Variants in HOMER1 observed in about 807,000 individuals in gnomAD.
HOMER1 encodes the protein homer protein homolog 1.
HOMER1 carries 3 observed loss-of-function variants against 48.9 expected under a neutral mutation model. The ratio of observed to expected loss-of-function variants is 0.06; its 90% confidence interval spans 0.03 to 0.16. The LOEUF (loss-of-function observed/expected upper bound fraction) is 0.16, where lower values mean the gene tolerates loss of function less well. Among genes scored for constraint, HOMER1 ranks in the 10% least tolerant of loss-of-function variants. The pLI is 1.00. For synonymous variants in HOMER1, 134 were observed against 146.4 expected, an observed-to-expected ratio of 0.92 and a Z score of 0.61; for missense variants, 247 against 411.4, an observed-to-expected ratio of 0.60 and a Z score of 3.46.
At chr5:79,497,059 CAA>C (rs5868996) in intron 1 of HOMER1, among the ~76,000 whole-genome samples, 93 of 52,780 alleles carry the variant, frequency 1.8e-3, no homozygotes, top group African/African-American at 6.2e-3. Flanking sequence ...GACTTTGTCT[CAA>C]AAAAAAAAAA....
At position 79,387,069 on chromosome 5, in the gene HOMER1, T is replaced by TTC. The variant is rs766145471; in HGVS notation, c.876+9752_876+9753dup. 5.0e-3 allele frequency among the ~76,000 whole-genome samples: 662 copies of TTC among 132,334 alleles called. 4 individuals are homozygous for TTC. Among genetic ancestry groups the TTC allele is most frequent in the African/African-American group, 0.012 (388 of 31,320 alleles). 86.8% of individuals were successfully genotyped at this position (132,334 alleles called of 152,430 possible). ...CTTCCTTCCTTCCTCTTTCCTTTCT[T>TTC]TCTCTATCTCTCTCTCTCTCTCTCT... On this transcript the variant is annotated intron_variant, in intron 8 of 8. Transcript: ENST00000334082.
At chr5:79,434,465 C>A (rs1750516230) in intron 5 of HOMER1, among the ~76,000 whole-genome samples, 1 of 152,004 alleles carries the variant, frequency 6.6e-6, no homozygotes, top group Non-Finnish European at 1.5e-5. Flanking sequence ...TAGTATATAG[C>A]TACTTTACTT....
chr5:79,423,839 C>T (rs745402984), intron 5 of HOMER1, among the ~76,000 whole-genome samples: 170 of 152,232 alleles, frequency 1.1e-3, no homozygotes, highest in Middle Eastern at 6.8e-3. Flanking sequence ...TTGTCTAAGA[C>T]TGTGAACACG....
At chr5:79,498,404 A>G (rs1288181996) in intron 1 of HOMER1, among the ~76,000 whole-genome samples, 1 of 152,220 alleles carries the variant, frequency 6.6e-6, no homozygotes, top group Non-Finnish European at 1.5e-5. Context: ...CTCAAAAAAA[A>G]GAGTTAAAGC....
At chr5:79,460,956 T>G (rs1751303221) in intron 1 of HOMER1, among the ~76,000 whole-genome samples, 1 of 152,060 alleles carries the variant, frequency 6.6e-6, no homozygotes, top group African/African-American at 2.4e-5. Context: ...AGTCTAAGAT[T>G]GGGGAAGTGG....
intron 2 of HOMER1, among the ~76,000 whole-genome samples, chr5:79,451,556 C>CTT (rs71615542): frequency 0.14 from 9,083 of 64,626 alleles, 2,243 homozygotes; most frequent in East Asian, 0.58. Flanking sequence ...AAATATGACA[C>CTT]TTTTTTTTTT....
intron 5 of HOMER1, among the ~76,000 whole-genome samples, chr5:79,404,634 A>G (rs1034801722): frequency 2.4e-4 from 37 of 152,204 alleles, no homozygotes; most frequent in African/African-American, 8.0e-4. Flanking sequence ...AGATAACAGA[A>G]CATTTCATCA....
intron 5 of HOMER1, among the ~76,000 whole-genome samples, chr5:79,417,361 C>T (rs1034413024): frequency 1.4e-4 from 21 of 152,170 alleles, no homozygotes; most frequent in Non-Finnish European, 2.9e-4. Context: ...CCAGGATGGT[C>T]TCAATCTCCT....
intron 5 of HOMER1, among the ~76,000 whole-genome samples, chr5:79,404,001 T>C (rs1189219944): frequency 6.6e-6 from 1 of 152,188 alleles, no homozygotes; most frequent in East Asian, 1.9e-4. Context: ...ATTCATGTCT[T>C]CTGAAAAAAG....
chr5:79,503,393 G>A (rs1752658754), intron 1 of HOMER1, among the ~76,000 whole-genome samples: 1 of 151,760 alleles, frequency 6.6e-6, no homozygotes. Context: ...AGCCAGGCTT[G>A]GCAGCATGCG....
chr5:79,513,162 C>G lies in HOMER1; in HGVS notation c.-388G>C, dbSNP rs1240360954. On this transcript the variant is annotated 5_prime_UTR_variant, in exon 1 of 9. Coordinates refer to ENST00000334082, the MANE Select transcript of HOMER1 (RefSeq NM_004272.5). Reference sequence around the variant, plus strand: ...TCGACACTCAGGGAGAGCCAGGTAACTCGGCCTTTTCGGAGCTAAGGCTGC... The same window carrying G: ...TCGACACTCAGGGAGAGCCAGGTAAGTCGGCCTTTTCGGAGCTAAGGCTGC... 4.9e-6 allele frequency: 1 copy of G among 203,026 alleles called. No individual in the cohort carries two copies. Among genetic ancestry groups the G allele is most frequent in the Non-Finnish European group, 9.9e-6 (1 of 101,170 alleles). The allele number at this position is 203,026 out of a possible 1,614,324, so 12.6% of individuals were successfully genotyped here. A position where few individuals can be genotyped will look rare whatever the true frequency, so the allele number is the denominator to read the frequency against.
intron 1 of HOMER1, among the ~76,000 whole-genome samples, chr5:79,507,241 A>AC (rs1752804098): frequency 4.0e-5 from 6 of 149,828 alleles, no homozygotes; most frequent in African/African-American, 1.2e-4. Flanking sequence ...AAAAACCAAA[A>AC]CAAAAAAAAA....
intron 1 of HOMER1, among the ~76,000 whole-genome samples, chr5:79,501,365 T>G (rs1448961888): frequency 2.0e-5 from 3 of 152,228 alleles, no homozygotes; most frequent in African/African-American, 7.2e-5. Context: ...GTTAATCAAC[T>G]GTTTATGTTA....
Position 79,395,230 on chromosome 5 carries a change from G to A in HOMER1, c.876+1593C>T, listed in dbSNP as rs868362263. On this transcript the variant is annotated intron_variant, in intron 8 of 8. Transcript: ENST00000334082. ...TATGCTTGAATCATCGCAAGTACCC[G>A]AAACCCAAAACAAACGAAAGACAAA... 4.7e-4 allele frequency among the ~76,000 whole-genome samples: 71 copies of A among 152,214 alleles called. No homozygotes were observed. The Middle Eastern group carries it at 0.01, about 22-fold the overall frequency.
chr5:79,482,972 C>T (rs1751988114), intron 1 of HOMER1, among the ~76,000 whole-genome samples: 1 of 152,112 alleles, frequency 6.6e-6, no homozygotes, highest in Admixed American at 6.5e-5. Flanking sequence ...CACTGCACTC[C>T]AGCCTCGACA....
intron 2 of HOMER1, among the ~76,000 whole-genome samples, chr5:79,452,798 A>C (rs1218348702): frequency 2.0e-5 from 3 of 152,078 alleles, no homozygotes; most frequent in African/African-American, 7.2e-5. Context: ...CCTCAGACAA[A>C]ATTTACATAT....
At chr5:79,414,222 A>G (rs902467728) in intron 5 of HOMER1, among the ~76,000 whole-genome samples, 14 of 150,848 alleles carry the variant, frequency 9.3e-5, no homozygotes, top group African/African-American at 3.4e-4. Flanking sequence ...AGCTGGGACT[A>G]CAGGCATGCA....
intron 1 of HOMER1, 151 bp from the exon 2 acceptor site, chr5:79,457,169 G>C: frequency 1.4e-6 from 1 of 706,010 alleles, no homozygotes; most frequent in Non-Finnish European, 2.4e-6. Context: ...CATATTCTAA[G>C]TATTCAGTCA....
intron 1 of HOMER1, among the ~76,000 whole-genome samples, chr5:79,492,792 C>T (rs940951770): frequency 6.6e-6 from 1 of 151,214 alleles, no homozygotes; most frequent in Non-Finnish European, 1.5e-5. Flanking sequence ...AAAGGGGCCG[C>T]TAAGGGGGGA....
Sources: gnomAD v4.1 joint callset for allele counts (sites outside exome capture counted in the v4.1 genomes callset) on GRCh38, gnomAD v4.1.1 for gene constraint, MANE v1.5 for transcripts, NCBI Gene and HGNC (gene_info 2026-07-23, HGNC 2026-07-21) for gene names.